The following SP4 variants were observed in gnomAD, a reference collection of about 807,000 sequenced individuals.
The protein encoded by SP4 is transcription factor Sp4.
A neutral mutation model predicts 72.8 loss-of-function variants in SP4; 19 were observed. The ratio of observed to expected loss-of-function variants is 0.26; its 90% CI spans 0.18 to 0.38. SP4 has a LOEUF of 0.38. SP4 is among the 10% of genes least tolerant of loss of function. The pLI is 1.00. For missense variants in SP4, 1,008 were observed against 926.3 expected (o/e 1.09, Z -1.14); for synonymous variants, 395 against 333.1 (o/e 1.19, Z -2.02).
At chr7:21,506,709 T>A (rs1562631997) in intron 5 of SP4, among the ~76,000 whole-genome samples, 2 of 152,216 alleles carry the variant, frequency 1.3e-5, no homozygotes, top group African/African-American at 4.8e-5. Flanking sequence ...TTTTTGGTAA[T>A]GTCAGGCCAG....
At chr7:21,454,208 C>T (rs2128399703) in intron 3 of SP4, among the ~76,000 whole-genome samples, 1 of 152,270 alleles carries the variant, frequency 6.6e-6, no homozygotes, top group African/African-American at 2.4e-5. Context: ...GGGGGCATGG[C>T]TAACTCTGTG....
chr7:21,451,692 C>G (rs915934945), intron 3 of SP4, among the ~76,000 whole-genome samples: 1 of 152,098 alleles, frequency 6.6e-6, no homozygotes, highest in Non-Finnish European at 1.5e-5. Flanking sequence ...AGAAGGGTGA[C>G]TCTTGGATAT....
chr7:21,455,098 G>C (rs73685131), intron 3 of SP4, among the ~76,000 whole-genome samples: 3,451 of 152,288 alleles, frequency 0.023, 130 homozygotes, highest in African/African-American at 0.078. Context: ...CAGCTCAAGA[G>C]TGTCAGGAGT....
intron 5 of SP4, among the ~76,000 whole-genome samples, chr7:21,492,665 C>A (rs948355930): frequency 1.3e-5 from 2 of 152,086 alleles, no homozygotes; most frequent in African/African-American, 4.8e-5. Flanking sequence ...GACTTAAAAT[C>A]TAATCAAATC....
chr7:21,483,420 T>A (rs1476434952), intron 5 of SP4, among the ~76,000 whole-genome samples: 1 of 151,950 alleles, frequency 6.6e-6, no homozygotes, highest in Admixed American at 6.5e-5. Context: ...TTTTGCTTTT[T>A]GTTTATAAAT....
At chr7:21,507,466 G>T (rs2128417309) in intron 5 of SP4, among the ~76,000 whole-genome samples, 1 of 152,292 alleles carries the variant, frequency 6.6e-6, no homozygotes, top group South Asian at 2.1e-4. Context: ...TTTGTGAGAT[G>T]TATGGAGGGG....
At chr7:21,470,749 G>GA (rs11406915) in intron 3 of SP4, among the ~76,000 whole-genome samples, 37,591 of 104,952 alleles carry the variant, frequency 0.36, 6,831 homozygotes, top group East Asian at 0.71. Flanking sequence ...TCTATATTTG[G>GA]AAAAAAAAAA....
intron 3 of SP4, among the ~76,000 whole-genome samples, chr7:21,452,538 C>T (rs1325215957): frequency 2.0e-5 from 3 of 151,686 alleles, no homozygotes; most frequent in Admixed American, 1.3e-4. Flanking sequence ...TCCAGAGGGG[C>T]TTTTCTTGGC....
chr7:21,482,306 T>A (rs1784710333), intron 5 of SP4, among the ~76,000 whole-genome samples, 183 bp downstream of exon 5: 1 of 152,224 alleles, frequency 6.6e-6, no homozygotes, highest in Non-Finnish European at 1.5e-5. Context: ...TACATTTTAT[T>A]CTACTTTTTG....
At chr7:21,508,544 G>T (rs1031417996) in intron 5 of SP4, among the ~76,000 whole-genome samples, 22 of 152,230 alleles carry the variant, frequency 1.4e-4, no homozygotes, top group African/African-American at 5.3e-4. Context: ...GGCCAGGCTG[G>T]TCTCAAACTC....
intron 5 of SP4, among the ~76,000 whole-genome samples, chr7:21,487,604 G>A (rs572034214): frequency 6.6e-6 from 1 of 152,138 alleles, no homozygotes; most frequent in African/African-American, 2.4e-5. Context: ...TTGTATGGAT[G>A]CAGGTGCTTG....
At chr7:21,475,447 G>A (rs1425844426) in intron 3 of SP4, among the ~76,000 whole-genome samples, 5 of 151,272 alleles carry the variant, frequency 3.3e-5, no homozygotes, top group East Asian at 2.0e-4. Flanking sequence ...ATGCAGGACC[G>A]GTATGTTTGT....
At chr7:21,464,020 T>C (rs912385790) in intron 3 of SP4, among the ~76,000 whole-genome samples, 1 of 152,142 alleles carries the variant, frequency 6.6e-6, no homozygotes, top group African/African-American at 2.4e-5. Context: ...CTTTGCACAG[T>C]GCTTAGAACA....
chr7:21,434,055 G>T (rs1043047127), intron 3 of SP4, among the ~76,000 whole-genome samples: 1 of 152,146 alleles, frequency 6.6e-6, no homozygotes, highest in Non-Finnish European at 1.5e-5. Context: ...TTATAAATGA[G>T]CCCTGAAAGT....
chr7:21,504,223 A>C (rs1470931475), intron 5 of SP4, among the ~76,000 whole-genome samples: 1 of 152,124 alleles, frequency 6.6e-6, no homozygotes, highest in East Asian at 1.9e-4. Context: ...TGGAAGGAGG[A>C]GGCTTTCTAA....
intron 3 of SP4, among the ~76,000 whole-genome samples, chr7:21,466,458 C>A (rs938101182): frequency 2.0e-5 from 3 of 152,172 alleles, no homozygotes; most frequent in Admixed American, 6.5e-5. Context: ...TCCCACAGCT[C>A]CCAGGTCCTC....
intron 3 of SP4, among the ~76,000 whole-genome samples, chr7:21,448,940 T>C (rs1783504979): frequency 6.6e-6 from 1 of 152,208 alleles, no homozygotes; most frequent in Admixed American, 6.5e-5. Context: ...TATTATGCTT[T>C]GACATCTGAG....
At chr7:21,439,229 C>CTAGGATCCTAA (rs879630038) in intron 3 of SP4, among the ~76,000 whole-genome samples, 17 of 152,246 alleles carry the variant, frequency 1.1e-4, no homozygotes, top group Admixed American at 5.2e-4. Context: ...ATTGGAAAAT[C>CTAGGATCCTAA]TAGGATCCTA....
At chr7:21,468,793 G>A (rs1254749089) in intron 3 of SP4, among the ~76,000 whole-genome samples, 3 of 152,008 alleles carry the variant, frequency 2.0e-5, no homozygotes, top group Non-Finnish European at 4.4e-5. Context: ...CAGTATTAGA[G>A]GTGAGAGCAG....
Sources: allele counts gnomAD v4.1 joint callset (sites outside exome capture counted in the v4.1 genomes callset), GRCh38; gene constraint gnomAD v4.1.1; transcripts MANE v1.5; gene names NCBI Gene and HGNC (gene_info 2026-07-23, HGNC 2026-07-21).